The following FILIP1 variants were observed in gnomAD, a reference collection of about 807,000 sequenced individuals.
FILIP1 encodes filamin-A-interacting protein 1.
In FILIP1, 61 loss-of-function variants were observed where a neutral mutation model predicts 102.1. That is an observed-to-expected ratio of 0.60 (90% CI 0.49 to 0.74). The LOEUF is 0.74. Among genes scored for constraint, FILIP1 ranks in the 30% least tolerant of loss-of-function variants. The pLI, the probability that FILIP1 is intolerant of heterozygous loss-of-function variation, is 0.00. For missense variants in FILIP1, 1,314 were observed against 1,441.2 expected (o/e 0.91, Z 1.43); for synonymous variants, 491 against 526.9 (o/e 0.93, Z 0.93).
At chr6:75,333,205 G>A (rs1035169883) in intron 4 of FILIP1, among the ~76,000 whole-genome samples, 1 of 151,928 alleles carries the variant, frequency 6.6e-6, no homozygotes, top group South Asian at 2.1e-4. Flanking sequence ...ACATTTAAAG[G>A]TCTTTTAAAA....
chr6:75,311,249 C>T (rs924208808), intron 5 of FILIP1, among the ~76,000 whole-genome samples: 3 of 151,736 alleles, frequency 2.0e-5, no homozygotes, highest in Non-Finnish European at 4.4e-5. Context: ...GTGGCATGAC[C>T]GTGGCTCACT....
At chr6:75,443,471 C>T (rs1778342602) in intron 1 of FILIP1, among the ~76,000 whole-genome samples, 1 of 152,030 alleles carries the variant, frequency 6.6e-6, no homozygotes. Flanking sequence ...ATGGATATAT[C>T]CCTGACTTGT....
downstream of FILIP1, among the ~76,000 whole-genome samples, chr6:75,306,672 T>C (rs1043569810): frequency 1.3e-5 from 2 of 152,232 alleles, no homozygotes; most frequent in Non-Finnish European, 2.9e-5. Context: ...AAAATGTTCT[T>C]TCTCAGTCTC....
chr6:75,434,894 C>T (rs1414548982), intron 1 of FILIP1, among the ~76,000 whole-genome samples: 5 of 152,264 alleles, frequency 3.3e-5, no homozygotes, highest in Non-Finnish European at 7.4e-5. Flanking sequence ...GTTTTTAGCA[C>T]GAAGGGCGTT....
At position 75,308,462 on chromosome 6, in the gene FILIP1, A is replaced by G; in HGVS notation, c.*229T>C. ...TTGCTAGAAGCAAAACTGGAACTAGAAACCACGCCCTGGCTTCTAGGCAGC... is the reference window on the plus strand; with the variant it reads ...TTGCTAGAAGCAAAACTGGAACTAGGAACCACGCCCTGGCTTCTAGGCAGC... On this transcript the variant is annotated 3_prime_UTR_variant, in exon 6 of 6. Transcript: ENST00000237172. 7.4e-6 allele frequency: 10 copies of G among 1,357,764 alleles called. No homozygotes were observed. Among genetic ancestry groups the G allele is most frequent in the Non-Finnish European group, 9.5e-6 (10 of 1,052,608 alleles). 84.1% of individuals were successfully genotyped at this position (1,357,764 alleles called of 1,614,324 possible).
At chr6:75,354,360 C>T (rs1774914102) in intron 3 of FILIP1, among the ~76,000 whole-genome samples, 1 of 152,156 alleles carries the variant, frequency 6.6e-6, no homozygotes, top group African/African-American at 2.4e-5. Context: ...ATCACGAGGT[C>T]AGGAGTTCAA....
In FILIP1 at chr6:75,414,849, A is replaced by C. The variant is rs766963221; in HGVS notation, c.124T>G (p.Ser42Ala). The change falls in exon 2 of 6, where the codon TCA (serine) becomes GCA (alanine). Residue 42 changes from serine to alanine, a missense_variant. Ser to Ala is a moderately conservative substitution (Grantham distance 99). This residue lies in a region of FILIP1 where 494 missense variants were observed against 511.2 expected (regional missense o/e 0.97). Coordinates refer to ENST00000237172, the MANE Select transcript of FILIP1 (RefSeq NM_015687.5). The stretch of plus-strand genomic sequence containing the variant: ...ATGACATCATCCTCCTTCCTATTTG[A>C]TTTCTTCTTCTTTTTTGCATCTTCT... ...LSEDAKKKKKSNRKEDDVMAS... is the reference protein window; with the variant it reads ...LSEDAKKKKKANRKEDDVMAS... 4.3e-6 allele frequency: 7 copies of C among 1,613,520 alleles called. No homozygotes were observed. The South Asian group carries it at 7.7e-5, about 18-fold the overall frequency.
intron 6 of FILIP1, among the ~76,000 whole-genome samples, chr6:75,302,823 C>CATGATATGATATGATATGATATGAT: frequency 6.7e-6 from 1 of 149,100 alleles, no homozygotes; most frequent in South Asian, 2.2e-4. Context: ...TATGATATGA[C>CATGATATGATATGATATGATATGAT]ATGATATGAT....
chr6:75,468,714 T>C (rs769337850), intron 1 of FILIP1, among the ~76,000 whole-genome samples: 4 of 152,160 alleles, frequency 2.6e-5, no homozygotes, highest in Non-Finnish European at 4.4e-5. Flanking sequence ...ACATATACAT[T>C]AGTTTAGTCA....
chr6:75,399,343 GC>G (rs1776573799), intron 2 of FILIP1: 1 of 152,134 alleles, frequency 6.6e-6, no homozygotes, highest in Admixed American at 6.6e-5. Context: ...AATCCTGTTG[GC>G]AAACAATTGA....
chr6:75,492,459 T>C (rs1779990140), intron 1 of FILIP1, among the ~76,000 whole-genome samples: 1 of 152,120 alleles, frequency 6.6e-6, no homozygotes, highest in Non-Finnish European at 1.5e-5. Context: ...AGAGGTAAAA[T>C]ATTTTTATGG....
chr6:75,470,419 G>A (rs564777176), intron 1 of FILIP1, among the ~76,000 whole-genome samples: 4 of 152,084 alleles, frequency 2.6e-5, no homozygotes, highest in Non-Finnish European at 5.9e-5. Context: ...TCTAAATCTA[G>A]ATCCACAGGT....
chr6:75,414,520 T>A (rs980678233), intron 2 of FILIP1, among the ~76,000 whole-genome samples, 177 bp downstream of exon 2: 1 of 152,184 alleles, frequency 6.6e-6, no homozygotes, highest in African/African-American at 2.4e-5. Flanking sequence ...TTAGCATTCA[T>A]TCAACAAATA....
At chr6:75,482,993 T>G (rs1294689501) in intron 1 of FILIP1, among the ~76,000 whole-genome samples, 1 of 151,864 alleles carries the variant, frequency 6.6e-6, no homozygotes, top group Non-Finnish European at 1.5e-5. Context: ...CACAGAATAA[T>G]TATAAGAATC....
intron 2 of FILIP1, among the ~76,000 whole-genome samples, chr6:75,381,088 G>A (rs1775893176): frequency 6.6e-6 from 1 of 151,838 alleles, no homozygotes; most frequent in East Asian, 1.9e-4. Context: ...TCCTTTTGAG[G>A]GCCATAAACC....
At chr6:75,322,258 C>A (rs1773690242) in intron 4 of FILIP1, among the ~76,000 whole-genome samples, 1 of 152,012 alleles carries the variant, frequency 6.6e-6, no homozygotes, top group Admixed American at 6.5e-5. Context: ...TCATTTTACA[C>A]TTCAAACAAT....
At position 75,466,118 on chromosome 6, in the gene FILIP1, C is replaced by A. The variant is rs531447885; in HGVS notation, c.-7+27296G>T. 1.3e-3 allele frequency among the ~76,000 whole-genome samples: 205 copies of A among 152,316 alleles called. 1 individual carries two copies. The highest frequency in any genetic ancestry group is 2.2e-3 in the Non-Finnish European group (150 of 68,020). On this transcript the variant is annotated intron_variant, in intron 1 of 5. Coordinates refer to ENST00000237172, the MANE Select transcript of FILIP1 (RefSeq NM_015687.5). The stretch of plus-strand genomic sequence containing the variant: ...CTCAAACATTACCTGCTCCACGAGG[C>A]ATTCCCTGACCATCCTATTTAAAAT...
chr6:75,470,859 C>T (rs188625656), intron 1 of FILIP1, among the ~76,000 whole-genome samples: 1 of 151,950 alleles, frequency 6.6e-6, no homozygotes, highest in East Asian at 1.9e-4. Flanking sequence ...AAGCAAAAGC[C>T]ATAAAAGAAA....
At chr6:75,438,719 G>A (rs1052718135) in intron 1 of FILIP1, among the ~76,000 whole-genome samples, 3 of 152,096 alleles carry the variant, frequency 2.0e-5, no homozygotes, top group African/African-American at 7.2e-5. Flanking sequence ...CTCTGGCTCA[G>A]ATAAATTAAA....
Sources: gnomAD v4.1 joint callset for allele counts (sites outside exome capture counted in the v4.1 genomes callset) on GRCh38, gnomAD v4.1.1 for gene constraint, gnomAD v4.1.1 regional missense constraint, MANE v1.5 for transcripts, NCBI Gene and HGNC (gene_info 2026-07-23, HGNC 2026-07-21) for gene names.